The following FAIM2 variants were observed in gnomAD, a reference collection of about 807,000 sequenced individuals.
FAIM2 encodes the protein protein lifeguard 2.
Under a neutral mutation model 47.4 loss-of-function variants are expected in FAIM2, and 27 were observed. That is an observed-to-expected ratio of 0.57 (90% CI 0.42 to 0.78). The LOEUF is 0.78. Among genes scored for constraint, FAIM2 ranks in the 30% least tolerant of loss-of-function variants. The pLI is 0.00. For missense variants in FAIM2, 311 were observed against 389.4 expected, an observed-to-expected ratio of 0.80 and a Z score of 1.69; for synonymous variants, 156 against 159.3, an observed-to-expected ratio of 0.98 and a Z score of 0.16.
chr12:49,897,953 C>T (rs1946951003), intron 3 of FAIM2, 34 bp downstream of exon 3: 9 of 1,546,550 alleles, frequency 5.8e-6, no homozygotes, highest in Non-Finnish European at 6.3e-6. Flanking sequence ...CCCACTGAGG[C>T]TCCCAGTCCC....
rs12582283 is a variant in FAIM2 at position 49,884,791 on chromosome 12, A to G, written c.801+2595T>C. 5.4e-4 allele frequency among the ~76,000 whole-genome samples: 83 copies of G among 152,294 alleles called. 1 individual carries two copies. The South Asian group carries it at 0.013, about 25-fold the overall frequency. Reference sequence around the variant, plus strand: ...AGATCGAGACCATCCTGGCTAACACAGTGAAAGCTCGTCTCTACTAAAAAT... The same window carrying G: ...AGATCGAGACCATCCTGGCTAACACGGTGAAAGCTCGTCTCTACTAAAAAT... On this transcript the variant is annotated intron_variant, in intron 11 of 11. Coordinates refer to ENST00000320634, the MANE Select transcript of FAIM2 (RefSeq NM_012306.4).
chr12:49,875,975 CA>C (rs963675039), intron 11 of FAIM2, among the ~76,000 whole-genome samples: 2 of 151,182 alleles, frequency 1.3e-5, no homozygotes, highest in Non-Finnish European at 3.0e-5. Flanking sequence ...GACTCCATCT[CA>C]AAAAAAAGGA....
At chr12:49,879,282 G>C (rs1183004724) in intron 11 of FAIM2, among the ~76,000 whole-genome samples, 3 of 38,876 alleles carry the variant, frequency 7.7e-5, no homozygotes. Flanking sequence ...GTATATGTGT[G>C]TATGTGTGTG....
At chr12:49,902,718 C>T (rs1473446906) in intron 1 of FAIM2, 2 of 149,286 alleles carry the variant, frequency 1.3e-5, no homozygotes, top group African/African-American at 2.4e-5. Flanking sequence ...CCCCTCATCA[C>T]CCGGATCTGA....
chr12:49,898,805 G>A (rs1463771243), intron 2 of FAIM2, among the ~76,000 whole-genome samples: 1 of 152,168 alleles, frequency 6.6e-6, no homozygotes, highest in Admixed American at 6.5e-5. Context: ...TGGGATTACA[G>A]GTATGAGCCA....
chr12:49,879,363 T>A (rs147462648), intron 11 of FAIM2, among the ~76,000 whole-genome samples: 15 of 151,008 alleles, frequency 9.9e-5, no homozygotes, highest in East Asian at 9.7e-4. Flanking sequence ...AGTGCATGTG[T>A]GTGCATGTGT....
chr12:49,899,652 G>A lies in FAIM2; in HGVS notation c.211+1478C>T, dbSNP rs563237060. ...TCCTTTGGGACTCAGTGTGGATACC[G>A]CTTCTTCCAGGAAGCCTTCCCTGAC... On this transcript the variant is annotated intron_variant, in intron 2 of 11. Transcript: ENST00000320634. Among the ~76,000 whole-genome samples, 21 of 152,236 alleles carry A rather than the reference G, an allele frequency of 1.4e-4. No individual in the cohort carries two copies. In the East Asian group the frequency reaches 1.7e-3, roughly 13 times the overall value.
intron 11 of FAIM2, among the ~76,000 whole-genome samples, chr12:49,878,007 CATGT>C (rs1264494456): frequency 1.4e-5 from 2 of 142,342 alleles, no homozygotes; most frequent in African/African-American, 5.3e-5. Flanking sequence ...TGTGCATGTG[CATGT>C]GTGTATGTGT....
At chr12:49,876,581 G>T (rs12146733) in intron 11 of FAIM2, among the ~76,000 whole-genome samples, 3 of 150,256 alleles carry the variant, frequency 2.0e-5, no homozygotes, top group African/African-American at 4.9e-5. Context: ...GGCTAACATG[G>T]GGAAACCCCG....
chr12:49,876,358 G>C (rs1319820610), intron 11 of FAIM2, among the ~76,000 whole-genome samples: 7 of 152,218 alleles, frequency 4.6e-5, no homozygotes, highest in African/African-American at 1.7e-4. Flanking sequence ...GAATGTGGCA[G>C]AGAAGGGGCT....
chr12:49,878,610 G>GTATGTGTATGTGCATGTGTA (rs1946765571), intron 11 of FAIM2, among the ~76,000 whole-genome samples: 1 of 132,584 alleles, frequency 7.5e-6, no homozygotes, highest in African/African-American at 2.9e-5. Flanking sequence ...GTGTGCATGT[G>GTATGTGTATGTGCATGTGTA]TATGTGTGCA....
chr12:49,899,981 T>C (rs991876753), intron 2 of FAIM2, among the ~76,000 whole-genome samples: 5 of 152,238 alleles, frequency 3.3e-5, no homozygotes, highest in Non-Finnish European at 4.4e-5. Context: ...GTAGACCCAC[T>C]GCAAACCTGA....
chr12:49,889,416 C>A, intron 9 of FAIM2, 65 bp downstream of exon 9: 2 of 1,464,518 alleles, frequency 1.4e-6, no homozygotes, highest in Non-Finnish European at 9.6e-7. Context: ...GAGGCCCCCA[C>A]CCCATCTGCC....
intron 6 of FAIM2, 142 bp downstream of exon 6, chr12:49,890,922 G>T: frequency 1.1e-6 from 1 of 901,652 alleles, no homozygotes; most frequent in East Asian, 2.4e-5. Context: ...AGGAGGGAGG[G>T]GCTGCCTGCT....
rs767580443 is a variant in FAIM2 at position 49,878,128 on chromosome 12, ATG to A, written c.802-7477_802-7476del. Among the ~76,000 whole-genome samples the A allele has an allele frequency of 2.5e-4, 32 of 127,674 alleles. 3 individuals are homozygous for A. The highest frequency in any genetic ancestry group is 4.1e-4 in the Non-Finnish European group (25 of 61,420). The allele number at this position is 127,674 out of a possible 152,430, so 83.8% of individuals were successfully genotyped here. A position where few individuals can be genotyped will look rare whatever the true frequency, so the allele number is the denominator to read the frequency against. On this transcript the variant is annotated intron_variant, in intron 11 of 11. Coordinates refer to ENST00000320634, the MANE Select transcript of FAIM2 (RefSeq NM_012306.4). ...CATGTGTGTATGTGGGTATGTGTGC[ATG>A]TGAGTGTGCATGTGAGTGTGTGTAT...
intron 4 of FAIM2, 65 bp from the exon 5 acceptor site, chr12:49,897,149 C>A (rs1592794304): frequency 7.9e-7 from 1 of 1,267,688 alleles, no homozygotes; most frequent in South Asian, 1.2e-5. Flanking sequence ...TCTGGTTCAG[C>A]ATCTGCATCT....
chr12:49,880,729 T>TATGC (rs60673397), intron 11 of FAIM2, among the ~76,000 whole-genome samples: 1 of 144,560 alleles, frequency 6.9e-6, no homozygotes, highest in Non-Finnish European at 1.5e-5. Context: ...TGTATATGTG[T>TATGC]GTGTGTATGT....
chr12:49,872,946 A>G (rs571276516), intron 11 of FAIM2, among the ~76,000 whole-genome samples: 54 of 152,304 alleles, frequency 3.5e-4, no homozygotes, highest in African/African-American at 1.3e-3. Context: ...ATGTGGTTTC[A>G]TTGTTATTAT....
intron 10 of FAIM2, among the ~76,000 whole-genome samples, chr12:49,888,892 GAGCC>G (rs1946879669): frequency 6.6e-6 from 1 of 152,212 alleles, no homozygotes; most frequent in East Asian, 1.9e-4. Flanking sequence ...GTGGCTTGTG[GAGCC>G]AGGCAGGTAC....
Sources: allele counts gnomAD v4.1 joint callset (sites outside exome capture counted in the v4.1 genomes callset), GRCh38; gene constraint gnomAD v4.1.1; transcripts MANE v1.5; gene names NCBI Gene and HGNC (gene_info 2026-07-23, HGNC 2026-07-21).